The following STOX2 variants were observed in gnomAD, a reference collection of about 807,000 sequenced individuals.
STOX2 encodes the protein storkhead-box protein 2.
Under a neutral mutation model 60.9 loss-of-function variants are expected in STOX2, and 28 were observed. That is an observed-to-expected ratio of 0.46 (90% confidence interval 0.34 to 0.63). The LOEUF is 0.63. STOX2 is among the 30% of genes least tolerant of loss of function. STOX2 has a pLI of 0.01. For synonymous variants in STOX2, 472 were observed against 463.9 expected (o/e 1.02, Z -0.22); for missense variants, 1,024 against 1,187.7 (o/e 0.86, Z 2.03).
At chr4:183,983,534 G>C (rs933738085) in intron 1 of STOX2, among the ~76,000 whole-genome samples, 3 of 152,208 alleles carry the variant, frequency 2.0e-5, no homozygotes, top group Admixed American at 2.0e-4. Context: ...AGAGAATCTT[G>C]ACACCGCAGA....
chr4:183,805,163 A>G (rs773672652), intron 1 of STOX2, among the ~76,000 whole-genome samples: 1 of 152,204 alleles, frequency 6.6e-6, no homozygotes, highest in Non-Finnish European at 1.5e-5. Flanking sequence ...AAAATATCAC[A>G]CACAGTGATG....
chr4:183,877,662 G>A (rs1385009188), intron 1 of STOX2, among the ~76,000 whole-genome samples: 2 of 152,050 alleles, frequency 1.3e-5, no homozygotes, highest in Non-Finnish European at 2.9e-5. Context: ...GCCTCATGCC[G>A]CACTTCCGCT....
At chr4:184,005,265 A>G (rs1178906605) in intron 2 of STOX2, among the ~76,000 whole-genome samples, 4 of 152,060 alleles carry the variant, frequency 2.6e-5, no homozygotes, top group Non-Finnish European at 5.9e-5. Flanking sequence ...TTTGAGACCA[A>G]TGTGGCCAAC....
At chr4:183,951,214 CAA>C (rs1467966638) in intron 1 of STOX2, among the ~76,000 whole-genome samples, 1 of 88,320 alleles carries the variant, frequency 1.1e-5, no homozygotes, top group Non-Finnish European at 2.2e-5. Context: ...GACTCCGTCT[CAA>C]AAAAAAAGAA....
chr4:183,927,473 A>T (rs1368149908), intron 1 of STOX2, among the ~76,000 whole-genome samples: 1 of 152,136 alleles, frequency 6.6e-6, no homozygotes. Flanking sequence ...TGGGCCTCTA[A>T]AAAAGGGTCA....
At position 183,806,970 on chromosome 4, in the gene STOX2, T is replaced by G. The variant is rs536785280; in HGVS notation, c.364+8915T>G. Among the ~76,000 whole-genome samples the G allele has an allele frequency of 1.2e-4, 1 of 8,072 alleles. No homozygotes were observed. Among genetic ancestry groups the G allele is most frequent in the Non-Finnish European group, 2.6e-4 (1 of 3,826 alleles). The allele number at this position is 8,072 out of a possible 152,430, so 5.3% of individuals were successfully genotyped here. A position where few individuals can be genotyped will look rare whatever the true frequency, so the allele number is the denominator to read the frequency against. On this transcript the variant is annotated intron_variant, in intron 1 of 2. Transcript: ENST00000513034. The surrounding 1 kb of genome is among the most constrained non-coding windows in gnomAD (Gnocchi z 4.1). ...TGAGTCCCAGATGCTTTCTGACACT[T>G]TCTTTTTTTCTTTTTTTTTTGAGAC...
chr4:183,851,105 G>GGAAAGGATGAGA (rs1740117715), intron 1 of STOX2, among the ~76,000 whole-genome samples: 1 of 47,008 alleles, frequency 2.1e-5, no homozygotes, highest in African/African-American at 9.3e-5. Flanking sequence ...AAACGATGAG[G>GGAAAGGATGAGA]GAAACGATGA....
intron 1 of STOX2, among the ~76,000 whole-genome samples, chr4:183,950,954 G>A (rs536915967): frequency 2.0e-5 from 3 of 152,108 alleles, no homozygotes; most frequent in Admixed American, 6.5e-5. Context: ...GGTGGCTCAC[G>A]CCTGTAATCC....
intron 1 of STOX2, among the ~76,000 whole-genome samples, chr4:183,824,211 C>A (rs1270320875): frequency 2.0e-5 from 3 of 152,118 alleles, no homozygotes; most frequent in African/African-American, 7.2e-5. Flanking sequence ...TCATACTGGC[C>A]AGAATAGGAT....
chr4:183,805,241 T>C (rs1738860368), intron 1 of STOX2, among the ~76,000 whole-genome samples: 1 of 152,252 alleles, frequency 6.6e-6, no homozygotes, highest in Admixed American at 6.5e-5. Flanking sequence ...ACTTGAAGTT[T>C]GGAGATTGTA....
chr4:183,809,072 G>A (rs1414385130), intron 1 of STOX2, among the ~76,000 whole-genome samples: 1 of 152,098 alleles, frequency 6.6e-6, no homozygotes, highest in Non-Finnish European at 1.5e-5. Flanking sequence ...ACGAATTAGA[G>A]CTGTTATTTA....
intron 1 of STOX2, among the ~76,000 whole-genome samples, chr4:183,800,648 C>T (rs772569826): frequency 3.3e-5 from 5 of 152,182 alleles, no homozygotes; most frequent in African/African-American, 4.8e-5. Context: ...GAATTAAGCT[C>T]ATCAGTTACC....
At chr4:183,871,322 T>C (rs182436421) in intron 1 of STOX2, among the ~76,000 whole-genome samples, 4 of 152,358 alleles carry the variant, frequency 2.6e-5, no homozygotes, top group African/African-American at 7.2e-5. Flanking sequence ...ATGCCTTTGG[T>C]AGGCATTTCC....
At chr4:183,930,331 A>G (rs1269619853) in intron 1 of STOX2, among the ~76,000 whole-genome samples, 1 of 150,840 alleles carries the variant, frequency 6.6e-6, no homozygotes. Context: ...AAGCCCAGCT[A>G]AGTTTTTTAT....
chr4:183,951,031 C>A (rs555760084), intron 1 of STOX2, among the ~76,000 whole-genome samples: 12 of 151,592 alleles, frequency 7.9e-5, no homozygotes, highest in Admixed American at 2.0e-4. Context: ...CTGGCTAACA[C>A]GGTGAAACCC....
intron 1 of STOX2, among the ~76,000 whole-genome samples, chr4:183,804,175 A>G (rs7668632): frequency 0.45 from 68,571 of 152,006 alleles, 16,311 homozygotes; most frequent in East Asian, 0.66. Context: ...AGGTATCATT[A>G]TTTTATCCAT....
At chr4:183,919,719 C>A (rs569696061) in intron 1 of STOX2, among the ~76,000 whole-genome samples, 1 of 152,076 alleles carries the variant, frequency 6.6e-6, no homozygotes, top group East Asian at 1.9e-4. Flanking sequence ...AATCCTCCCC[C>A]CTCGGCCTCC....
At position 183,821,031 on chromosome 4, in the gene STOX2, C is replaced by T. The variant is rs946416798; in HGVS notation, c.364+22976C>T. ...CTGAGGTGGCAGGGTTGCTTGAGTCCGGGAGGTCATGGTTACAGTGAGCTG... is the reference window on the plus strand; with the variant it reads ...CTGAGGTGGCAGGGTTGCTTGAGTCTGGGAGGTCATGGTTACAGTGAGCTG... On this transcript the variant is annotated intron_variant, in intron 1 of 2. Coordinates refer to the STOX2 transcript ENST00000513034. The surrounding 1 kb of genome is among the most constrained non-coding windows in gnomAD (Gnocchi z 4.2). Among the ~76,000 whole-genome samples, 5 of 151,934 alleles carry T rather than the reference C, an allele frequency of 3.3e-5. No homozygotes were observed. Among genetic ancestry groups the T allele is most frequent in the African/African-American group, 4.8e-5 (2 of 41,362 alleles).
At chr4:183,932,377 CAGTATATGTATGTATACATACA>C (rs1560889819) in intron 1 of STOX2, among the ~76,000 whole-genome samples, 551 of 18,020 alleles carry the variant, frequency 0.031, 58 homozygotes, top group Admixed American at 0.13. Context: ...TGTATACATA[CAGTATATGTATGTATACATACA>C]GTATATGTAT....
Sources: gnomAD v4.1 joint callset for allele counts (sites outside exome capture counted in the v4.1 genomes callset) on GRCh38, gnomAD v4.1.1 for gene constraint, Gnocchi (gnomAD v3.1) non-coding constraint, MANE v1.5 for transcripts, NCBI Gene and HGNC (gene_info 2026-07-23, HGNC 2026-07-21) for gene names.